MYBPC1: variants seen among roughly 807,000 people sequenced by gnomAD.
MYBPC1 encodes myosin-binding protein C, slow-type.
MYBPC1 carries 52 observed loss-of-function variants against 147.1 expected under a neutral mutation model. The ratio of observed to expected loss-of-function variants is 0.35; its 90% confidence interval spans 0.28 to 0.45. The LOEUF is 0.45. MYBPC1 is among the 20% of genes least tolerant of loss of function. The pLI is 1.00. For missense variants in MYBPC1, 1,228 were observed against 1,440.3 expected, an observed-to-expected ratio of 0.85 and a Z score of 2.39; for synonymous variants, 477 against 475.9, an observed-to-expected ratio of 1.00 and a Z score of -0.03.
In MYBPC1 at chr12:101,631,560, G is replaced by C; in HGVS notation, c.290-11G>C. On this transcript the variant is annotated splice_polypyrimidine_tract_variant and intron_variant, in intron 6 of 31. Coordinates refer to ENST00000361466, the MANE Select transcript of MYBPC1 (RefSeq NM_002465.4). ...TTAAAGAGCAAGCTGAATCCCTTAT[G>C]CTTCTTCTAGGTGAAGATATCACCT... 6.2e-7 allele frequency: 1 copy of C among 1,613,646 alleles called. No individual in the cohort carries two copies. Among genetic ancestry groups the C allele is most frequent in the Non-Finnish European group, 8.5e-7 (1 of 1,179,808 alleles).
chr12:101,653,146 T>A lies in MYBPC1; in HGVS notation c.1665T>A (p.Asp555Glu). 6.2e-7 allele frequency: 1 copy of A among 1,614,124 alleles called. No individual in the cohort carries two copies. The change falls in exon 18 of 32, where the codon GAT (aspartate) becomes GAA (glutamate). Residue 555 changes from aspartate to glutamate, a missense_variant. Asp to Glu is a conservative substitution (Grantham distance 45, BLOSUM62 2). Around this residue, in one of 2 missense-constraint regions of MYBPC1, gnomAD observed 1,077 missense variants for 1,314.2 expected, o/e 0.82. Transcript: ENST00000361466. ...DPPKIILDGL[D>E]ADNTVTVIAG... ...CTAAGATCATCCTGGATGGTCTTGATGCTGACAACACAGTGACAGTGATTG... is the reference window on the plus strand; with the variant it reads ...CTAAGATCATCCTGGATGGTCTTGAAGCTGACAACACAGTGACAGTGATTG...
At chr12:101,615,279 A>G (rs1465413736) in intron 2 of MYBPC1, among the ~76,000 whole-genome samples, 1 of 152,240 alleles carries the variant, frequency 6.6e-6, no homozygotes, top group Non-Finnish European at 1.5e-5. Context: ...AGAGTCATTT[A>G]TCAGCCAAAT....
At chr12:101,677,993 G>A (rs1900382040) in intron 27 of MYBPC1, 109 bp from the exon 28 acceptor site, 2 of 1,353,130 alleles carry the variant, frequency 1.5e-6, no homozygotes, top group Non-Finnish European at 1.0e-6. Context: ...CTTTGTCCAT[G>A]TTTTTCTAAG....
At position 101,642,481 on chromosome 12, in the gene MYBPC1, A is replaced by T; in HGVS notation, c.728A>T (p.Lys243Ile). The change falls in exon 11 of 32, where the codon AAA becomes ATA. Residue 243 changes from lysine (K) to isoleucine (I), a missense_variant. By Grantham distance (102) the Lys-to-Ile change is moderately radical. Transcript: ENST00000361466. ...GTATGGGAGTTGCTGAAGAACGCGAAACCCAGTGAGTACGAGAAGATCGCC... is the reference window on the plus strand; with the variant it reads ...GTATGGGAGTTGCTGAAGAACGCGATACCCAGTGAGTACGAGAAGATCGCC... ...VDVWELLKNA[K>I]PSEYEKIAFQ... 1 of 1,614,092 alleles carries T rather than the reference A, an allele frequency of 6.2e-7. No individual in the cohort carries two copies. Among genetic ancestry groups the T allele is most frequent in the African/African-American group, 1.3e-5 (1 of 75,058 alleles).
intron 15 of MYBPC1, among the ~76,000 whole-genome samples, chr12:101,649,696 G>A (rs1414377921): frequency 6.6e-6 from 1 of 152,166 alleles, no homozygotes; most frequent in South Asian, 2.1e-4. Context: ...CGTAAAAATA[G>A]GGGATAAATA....
At chr12:101,595,693 T>C (rs1163699220) in intron 1 of MYBPC1, among the ~76,000 whole-genome samples, 4 of 152,140 alleles carry the variant, frequency 2.6e-5, no homozygotes, top group Admixed American at 6.5e-5. Context: ...AAAAAGGATG[T>C]CCCTGAATAT....
At chr12:101,689,615 G>A (rs190486858), downstream of MYBPC1, among the ~76,000 whole-genome samples, 1 of 152,060 alleles carries the variant, frequency 6.6e-6, no homozygotes, top group Admixed American at 6.5e-5. Flanking sequence ...GAATGGAAAG[G>A]GAAAAGAGGA....
chr12:101,627,646 G>GT (rs777214732), intron 4 of MYBPC1, 123 bp from the exon 5 acceptor site: 231 of 1,091,060 alleles, frequency 2.1e-4, no homozygotes, highest in Non-Finnish European at 3.2e-4. Context: ...AACTTGTAGG[G>GT]TTTTTTCCTT....
intron 21 of MYBPC1, among the ~76,000 whole-genome samples, chr12:101,663,195 ACACCGGCTTCT>A: frequency 6.6e-6 from 1 of 152,192 alleles, no homozygotes. Context: ...CCAGCTTCCC[ACACCGGCTTCT>A]CAATTTGGAA....
At chr12:101,652,647 T>A in intron 16 of MYBPC1, 31 bp from the exon 17 acceptor site, 2 of 1,489,438 alleles carry the variant, frequency 1.3e-6, no homozygotes, top group Non-Finnish European at 1.9e-6. Flanking sequence ...ATCTTTGGAG[T>A]CTTAGAAATA....
chr12:101,648,062 A>C lies in MYBPC1; in HGVS notation c.1108A>C (p.Thr370Pro). 6.2e-7 allele frequency: 1 copy of C among 1,612,340 alleles called. No homozygotes were observed. Among genetic ancestry groups the C allele is most frequent in the Non-Finnish European group, 8.5e-7 (1 of 1,178,516 alleles). ...TATACTAGAGCCTCCAATTATGGTG[A>C]CCAAACAGCTGGAAGATACAACTGC... ...LFVREPPIMV[T>P]KQLEDTTAYC... is the part of the protein sequence containing the mutation. Residue 370 changes from threonine (T) to proline (P), a missense_variant, in exon 14 of 32, where the codon ACC (threonine) becomes CCC (proline). This residue lies in a region of MYBPC1 where 1,077 missense variants were observed against 1,314.2 expected (regional missense o/e 0.82). Transcript: ENST00000361466.
At chr12:101,675,607 TTGCTACTTAAGACCACA>T (rs1332851987) in intron 26 of MYBPC1, among the ~76,000 whole-genome samples, 176 bp downstream of exon 26, 5 of 152,220 alleles carry the variant, frequency 3.3e-5, no homozygotes, top group Non-Finnish European at 7.3e-5. Context: ...AACCCCAGCA[TTGCTACTTAAGACCACA>T]TGTATAAGGA....
chr12:101,682,105 G>A (rs749315037), intron 29 of MYBPC1, among the ~76,000 whole-genome samples: 60 of 151,718 alleles, frequency 4.0e-4, no homozygotes, highest in Non-Finnish European at 8.5e-4. Flanking sequence ...AAATGATTAA[G>A]TTCATAATTG....
intron 1 of MYBPC1, among the ~76,000 whole-genome samples, chr12:101,613,803 GT>G (rs1885073683): frequency 6.6e-6 from 1 of 151,442 alleles, no homozygotes; most frequent in Admixed American, 6.6e-5. Flanking sequence ...CTCCAAGCAC[GT>G]ATGCTTCCAG....
intron 15 of MYBPC1, chr12:101,651,015 G>T: frequency 1.8e-6 from 1 of 568,264 alleles, no homozygotes; most frequent in Non-Finnish European, 3.1e-6. Flanking sequence ...CATTTCAGCT[G>T]GATGCAATTT....
At position 101,684,620 on chromosome 12, in the gene MYBPC1, T is replaced by C. The variant is rs187483486; in HGVS notation, c.*19+196T>C. ...GTACTTATCCATCACAGCAGTCTCC[T>C]ACTGACATGAAGCAAGTTGTTGAAT... On this transcript the variant is annotated intron_variant, in intron 31 of 31. Coordinates refer to ENST00000361466, the MANE Select transcript of MYBPC1 (RefSeq NM_002465.4). Among the ~76,000 whole-genome samples the C allele has an allele frequency of 1.2e-4, 19 of 152,334 alleles. No individual in the cohort carries two copies. In the East Asian group the frequency reaches 3.7e-3, roughly 29 times the overall value.
chr12:101,669,956 CT>C, intron 23 of MYBPC1: 1 of 207,188 alleles, frequency 4.8e-6, no homozygotes, highest in Non-Finnish European at 9.2e-6. Flanking sequence ...AAAAAAGAAA[CT>C]ATGAAAAGTA....
intron 1 of MYBPC1, among the ~76,000 whole-genome samples, chr12:101,608,957 G>C (rs1031607752): frequency 6.6e-6 from 1 of 152,112 alleles, no homozygotes; most frequent in East Asian, 1.9e-4. Context: ...GGAATGCCAG[G>C]GGACGGTTAT....
Position 101,634,623 on chromosome 12 carries a change from A to G in MYBPC1, c.608+18A>G. On this transcript the variant is annotated intron_variant, in intron 9 of 31. Transcript: ENST00000361466. ...AAGAGAAGGTAACTCCAAAAGAAAAATCTAGATAGCTTTTGTATAACACAG... is the reference window on the plus strand; with the variant it reads ...AAGAGAAGGTAACTCCAAAAGAAAAGTCTAGATAGCTTTTGTATAACACAG... 6.3e-7 allele frequency: 1 copy of G among 1,595,744 alleles called. No homozygotes were observed. Among genetic ancestry groups the G allele is most frequent in the Non-Finnish European group, 8.6e-7 (1 of 1,163,580 alleles).
Sources: gnomAD v4.1 joint callset for allele counts (sites outside exome capture counted in the v4.1 genomes callset) on GRCh38, gnomAD v4.1.1 for gene constraint, gnomAD v4.1.1 regional missense constraint, MANE v1.5 for transcripts, NCBI Gene and HGNC (gene_info 2026-07-23, HGNC 2026-07-21) for gene names.